The following IGSF21 variants were observed in gnomAD, a reference collection of about 807,000 sequenced individuals.
IGSF21 encodes the protein immunoglobin superfamily member 21.
In IGSF21, 28 loss-of-function variants were observed where a neutral mutation model predicts 46.8. That is an observed-to-expected ratio of 0.60 (90% CI 0.44 to 0.82). The LOEUF is 0.82. Among genes scored for constraint, IGSF21 ranks in the 40% least tolerant of loss-of-function variants. The probability of loss-of-function intolerance (pLI) is 0.00; values close to 1 mark genes in which losing one functional copy is unlikely to be tolerated. For missense variants in IGSF21, 624 were observed against 665.5 expected (o/e 0.94, Z 0.69); for synonymous variants, 284 against 273.6 (o/e 1.04, Z -0.38).
intron 1 of IGSF21, chr1:18,114,819 C>T (rs867713339): frequency 6.6e-6 from 1 of 152,184 alleles, no homozygotes; most frequent in Non-Finnish European, 1.5e-5. Flanking sequence ...CGAGCTCAGC[C>T]TTCCTCCCAT....
intron 1 of IGSF21, among the ~76,000 whole-genome samples, chr1:18,169,784 TG>T (rs2086718261): frequency 1.3e-5 from 2 of 151,932 alleles, no homozygotes; most frequent in Non-Finnish European, 2.9e-5. Context: ...GGACTGTCCT[TG>T]GGGCTCCTGG....
intron 1 of IGSF21, among the ~76,000 whole-genome samples, chr1:18,177,392 G>GGTGTGTGTGTGT (rs3041401): frequency 1.6e-5 from 2 of 125,018 alleles, no homozygotes; most frequent in South Asian, 2.9e-4. Flanking sequence ...GGGTCAGTGA[G>GGTGTGTGTGTGT]GTGTGTGTGT....
At position 18,277,089 on chromosome 1, in the gene IGSF21, G is replaced by A. The variant is rs114610581; in HGVS notation, c.184-14777G>A. Among the ~76,000 whole-genome samples the A allele has an allele frequency of 4.2e-3, 646 of 152,286 alleles. 3 individuals are homozygous for A. Among genetic ancestry groups the A allele is most frequent in the African/African-American group, 0.014 (593 of 41,566 alleles). On this transcript the variant is annotated intron_variant, in intron 2 of 9. Transcript: ENST00000251296. ...GTTCTTGTCACCGTACTGCCTGGTG[G>A]CCTTGAATAGATCGCCTGGCCTCCC...
intron 6 of IGSF21, among the ~76,000 whole-genome samples, chr1:18,374,273 C>A (rs1040046952): frequency 6.6e-6 from 1 of 152,184 alleles, no homozygotes; most frequent in East Asian, 1.9e-4. Context: ...TTCCTTATGG[C>A]GACAATCTCA....
At chr1:18,148,539 G>A (rs2086491540) in intron 1 of IGSF21, among the ~76,000 whole-genome samples, 1 of 152,194 alleles carries the variant, frequency 6.6e-6, no homozygotes, top group Non-Finnish European at 1.5e-5. Context: ...GGTAAAGCTG[G>A]GATTTGAACT....
chr1:18,376,455 C>T (rs1365220087), intron 7 of IGSF21, 60 bp downstream of exon 7: 1 of 1,182,204 alleles, frequency 8.5e-7, no homozygotes, highest in African/African-American at 1.5e-5. Context: ...ACCGACCCAG[C>T]ACCAGCATTC....
chr1:18,346,808 C>T (rs2085897983), intron 4 of IGSF21, among the ~76,000 whole-genome samples: 1 of 152,158 alleles, frequency 6.6e-6, no homozygotes, highest in Non-Finnish European at 1.5e-5. Flanking sequence ...TGCTGAGCTA[C>T]CAAAGCTGGC....
chr1:18,276,273 C>T lies in IGSF21; in HGVS notation c.184-15593C>T, dbSNP rs376985569. Among the ~76,000 whole-genome samples the T allele has an allele frequency of 5.3e-4, 81 of 152,256 alleles. No homozygotes were observed. The South Asian group carries it at 0.015, about 28-fold the overall frequency. On this transcript the variant is annotated intron_variant, in intron 2 of 9. Transcript: ENST00000251296. ...GGATCACTGGGTAGTATTCAGTGGG[C>T]GGCTGATCTGGTCTGCAGGGGTCAA...
chr1:18,181,300 C>T (rs977982802), intron 1 of IGSF21, among the ~76,000 whole-genome samples: 3 of 152,356 alleles, frequency 2.0e-5, no homozygotes, highest in Middle Eastern at 3.4e-3. Flanking sequence ...TAAGCCACTG[C>T]CCTGCTCGGC....
At chr1:18,224,128 C>T (rs2084538410) in intron 1 of IGSF21, among the ~76,000 whole-genome samples, 1 of 152,156 alleles carries the variant, frequency 6.6e-6, no homozygotes, top group South Asian at 2.1e-4. Flanking sequence ...TGCAATGAGA[C>T]GGTGTCCTTT....
chr1:18,110,223 AC>A (rs1321094308), intron 1 of IGSF21: 1 of 152,210 alleles, frequency 6.6e-6, no homozygotes, highest in Non-Finnish European at 1.5e-5. Flanking sequence ...CGAATGGGAA[AC>A]TTTCCGCGTC....
chr1:18,150,500 TC>T (rs1362045346), intron 1 of IGSF21, among the ~76,000 whole-genome samples: 5 of 152,130 alleles, frequency 3.3e-5, no homozygotes, highest in Non-Finnish European at 7.4e-5. Flanking sequence ...GAGATACCTG[TC>T]CCCGATTCTG....
At chr1:18,153,141 GAGA>G (rs1157765171) in intron 1 of IGSF21, among the ~76,000 whole-genome samples, 13 of 152,134 alleles carry the variant, frequency 8.5e-5, no homozygotes, top group Non-Finnish European at 1.6e-4. Flanking sequence ...GTCCTGAAAG[GAGA>G]AGGTTTGCTC....
At chr1:18,113,185 AT>A (rs1348093746) in intron 1 of IGSF21, 1 of 152,152 alleles carries the variant, frequency 6.6e-6, no homozygotes, top group Non-Finnish European at 1.5e-5. Context: ...CAAATGATAA[AT>A]GTCAGTGGTG....
intron 1 of IGSF21, among the ~76,000 whole-genome samples, chr1:18,143,033 T>G (rs922939389): frequency 6.6e-6 from 1 of 152,168 alleles, no homozygotes; most frequent in Admixed American, 6.5e-5. Flanking sequence ...CCCAGAGCCT[T>G]CCCTGGGCCT....
Position 18,378,271 on chromosome 1 carries a change from C to G in IGSF21, c.1349C>G (p.Thr450Ser). The change falls in exon 10 of 10, where the codon ACT (threonine) becomes AGT (serine). Residue 450 changes from threonine to serine, a missense_variant. By Grantham distance (58) the Thr-to-Ser change is moderately conservative (BLOSUM62 1). Transcript: ENST00000251296. ...TEDSNGSIGP[T>S]GARLTLVLAL... ...CCTGGCACAGGTTCCATTGGCCCCA[C>G]TGGTGCCCGGCTCACCTTGGTGCTC... The G allele has an allele frequency of 6.2e-7, 1 of 1,614,046 alleles. No individual in the cohort carries two copies. Among genetic ancestry groups the G allele is most frequent in the South Asian group, 1.1e-5 (1 of 91,068 alleles).
chr1:18,289,324 T>G (rs2085245183), intron 2 of IGSF21, among the ~76,000 whole-genome samples: 1 of 152,124 alleles, frequency 6.6e-6, no homozygotes, highest in Non-Finnish European at 1.5e-5. Flanking sequence ...TCCTCACACC[T>G]CCACTGAGAT....
At position 18,333,103 on chromosome 1, in the gene IGSF21, G is replaced by C. The variant is rs151069508; in HGVS notation, c.306-1789G>C. 2.7e-3 allele frequency among the ~76,000 whole-genome samples: 404 copies of C among 152,300 alleles called. 3 individuals carry two copies. The highest frequency in any genetic ancestry group is 9.5e-3 in the African/African-American group (395 of 41,560). On this transcript the variant is annotated intron_variant, in intron 3 of 9. Coordinates refer to ENST00000251296, the MANE Select transcript of IGSF21 (RefSeq NM_032880.5). ...CTCCATTCTCAGGGGTGGCAGATGGGTCACACGCCCAAGAGCCTGAGCGCC... is the reference window on the plus strand; with the variant it reads ...CTCCATTCTCAGGGGTGGCAGATGGCTCACACGCCCAAGAGCCTGAGCGCC...
At chr1:18,295,167 G>A (rs908288182) in intron 3 of IGSF21, among the ~76,000 whole-genome samples, 11 of 152,188 alleles carry the variant, frequency 7.2e-5, no homozygotes, top group Non-Finnish European at 1.5e-4. Flanking sequence ...TCTGCCCCCA[G>A]GGGGTGCAGG....
Sources: allele counts gnomAD v4.1 joint callset (sites outside exome capture counted in the v4.1 genomes callset), GRCh38; gene constraint gnomAD v4.1.1; transcripts MANE v1.5; gene names NCBI Gene and HGNC (gene_info 2026-07-23, HGNC 2026-07-21).